CLEC16A: variants seen among roughly 807,000 people sequenced by gnomAD.
CLEC16A encodes C-type lectin domain containing 16A, also known as protein CLEC16A.
Under a neutral mutation model 109.5 loss-of-function variants are expected in CLEC16A, and 51 were observed. The ratio of observed to expected loss-of-function variants is 0.47; its 90% confidence interval spans 0.37 to 0.59. The LOEUF is 0.59. Among genes scored for constraint, CLEC16A ranks in the 20% least tolerant of loss-of-function variants. CLEC16A has a pLI of 0.00. For synonymous variants in CLEC16A, 673 were observed against 564.2 expected (o/e 1.19, Z -2.73); for missense variants, 1,339 against 1,394.0 (o/e 0.96, Z 0.63).
chr16:11,142,912 G>C (rs1305613412), intron 22 of CLEC16A, among the ~76,000 whole-genome samples: 2 of 152,212 alleles, frequency 1.3e-5, no homozygotes, highest in Non-Finnish European at 2.9e-5. Context: ...CCTGGTTCAA[G>C]TGATTCTCCT....
intron 11 of CLEC16A, among the ~76,000 whole-genome samples, chr16:11,017,141 A>G (rs928441172): frequency 1.3e-5 from 2 of 152,042 alleles, no homozygotes; most frequent in Non-Finnish European, 2.9e-5. Flanking sequence ...TTTGTCGGGG[A>G]GTGGCCCACC....
intron 8 of CLEC16A, 46 bp from the exon 9 acceptor site, chr16:10,979,283 T>C (rs1206652618): frequency 1.9e-6 from 3 of 1,573,794 alleles, no homozygotes; most frequent in South Asian, 1.1e-5. Flanking sequence ...TGCTGCTCGC[T>C]TGTGTGACCT....
At chr16:11,011,693 G>A (rs1303736911) in intron 11 of CLEC16A, among the ~76,000 whole-genome samples, 2 of 152,242 alleles carry the variant, frequency 1.3e-5, no homozygotes, top group South Asian at 2.1e-4. Context: ...GAGAAAGCTA[G>A]GAAATCTATG....
intron 13 of CLEC16A, among the ~76,000 whole-genome samples, chr16:11,030,782 C>CGTGG (rs1276731463): frequency 6.6e-6 from 1 of 152,162 alleles, no homozygotes; most frequent in Non-Finnish European, 1.5e-5. Context: ...GTAGCTGGGA[C>CGTGG]TACAGGTGTG....
At chr16:11,020,759 C>G (rs2046051548) in intron 12 of CLEC16A, among the ~76,000 whole-genome samples, 1 of 152,262 alleles carries the variant, frequency 6.6e-6, no homozygotes, top group African/African-American at 2.4e-5. Flanking sequence ...GCCCTCTTGA[C>G]TTGGCCACAT....
At chr16:11,113,517 G>T (rs2051744352) in intron 19 of CLEC16A, among the ~76,000 whole-genome samples, 1 of 151,946 alleles carries the variant, frequency 6.6e-6, no homozygotes. Context: ...AATTAGCTGG[G>T]CATGGATGGT....
At chr16:11,031,901 T>A (rs1488695118) in intron 13 of CLEC16A, among the ~76,000 whole-genome samples, 1 of 152,214 alleles carries the variant, frequency 6.6e-6, no homozygotes, top group South Asian at 2.1e-4. Context: ...AATTTCCTCA[T>A]GTAATTAGTT....
chr16:11,144,907 A>G (rs1304403060), intron 22 of CLEC16A, among the ~76,000 whole-genome samples: 1 of 152,096 alleles, frequency 6.6e-6, no homozygotes, highest in African/African-American at 2.4e-5. Flanking sequence ...TGGGTTCTGG[A>G]TGGCCCTGCC....
At chr16:11,093,616 T>C (rs1349918597) in intron 19 of CLEC16A, among the ~76,000 whole-genome samples, 1 of 152,112 alleles carries the variant, frequency 6.6e-6, no homozygotes, top group African/African-American at 2.4e-5. Flanking sequence ...GGCGTATTTT[T>C]GAAGAAGTAA....
At chr16:10,993,116 G>T (rs1048401868) in intron 10 of CLEC16A, among the ~76,000 whole-genome samples, 3 of 152,174 alleles carry the variant, frequency 2.0e-5, no homozygotes, top group African/African-American at 7.2e-5. Context: ...ACCTGGCTGG[G>T]CTTGGTGGTT....
chr16:11,132,794 G>A (rs774481014), intron 22 of CLEC16A, among the ~76,000 whole-genome samples: 27 of 152,182 alleles, frequency 1.8e-4, no homozygotes, highest in Admixed American at 3.9e-4. Flanking sequence ...AGTGCTCATG[G>A]ATGCCTATGA....
intron 19 of CLEC16A, among the ~76,000 whole-genome samples, chr16:11,097,111 A>G (rs1395441495): frequency 6.6e-6 from 1 of 152,148 alleles, no homozygotes; most frequent in Non-Finnish European, 1.5e-5. Flanking sequence ...ACTTCCCTGT[A>G]GCTGAATCTC....
At chr16:10,986,456 G>A (rs1045936998) in intron 10 of CLEC16A, among the ~76,000 whole-genome samples, 2 of 152,106 alleles carry the variant, frequency 1.3e-5, no homozygotes, top group Non-Finnish European at 1.5e-5. Context: ...CATTTATCTT[G>A]CATACTGAAA....
intron 17 of CLEC16A, 35 bp from the exon 18 acceptor site, chr16:11,051,478 A>G (rs976002315): frequency 6.3e-7 from 1 of 1,590,382 alleles, no homozygotes. Flanking sequence ...CAAGTAAGGA[A>G]TCTGCTTTGA....
chr16:11,134,824 G>C (rs2053464607), intron 22 of CLEC16A, among the ~76,000 whole-genome samples: 1 of 152,192 alleles, frequency 6.6e-6, no homozygotes, highest in African/African-American at 2.4e-5. Flanking sequence ...CAGTAGGATA[G>C]GCCCTCCTTA....
intron 22 of CLEC16A, among the ~76,000 whole-genome samples, chr16:11,146,472 A>G (rs768394636): frequency 1.6e-4 from 22 of 141,848 alleles, no homozygotes; most frequent in Non-Finnish European, 3.1e-4. Flanking sequence ...GGATGGATAA[A>G]TGGGTAAAGG....
At chr16:11,067,373 G>T (rs1444492429) in intron 19 of CLEC16A, among the ~76,000 whole-genome samples, 1 of 152,016 alleles carries the variant, frequency 6.6e-6, no homozygotes, top group Non-Finnish European at 1.5e-5. Flanking sequence ...CCTGGCTGGA[G>T]GTCAGGGAGG....
intron 22 of CLEC16A, among the ~76,000 whole-genome samples, chr16:11,161,249 C>T (rs1166351556): frequency 6.6e-6 from 1 of 152,150 alleles, no homozygotes; most frequent in Non-Finnish European, 1.5e-5. Flanking sequence ...TAGGCCGACT[C>T]CTACACAGCC....
chr16:11,009,329 A>T lies in CLEC16A; in HGVS notation c.1303+6024A>T, dbSNP rs150718218. Among the ~76,000 whole-genome samples the T allele has an allele frequency of 1.6e-4, 24 of 152,106 alleles. 1 individual carries two copies. In the East Asian group the frequency reaches 4.6e-3, roughly 29 times the overall value. ...TTATATGGCTGGACTACATTTCTTT[A>T]TCCACTCCTCTGTTGATGGACACTT... On this transcript the variant is annotated intron_variant, in intron 11 of 23. Coordinates refer to ENST00000409790, the MANE Select transcript of CLEC16A (RefSeq NM_015226.3).
Sources: allele counts gnomAD v4.1 joint callset (sites outside exome capture counted in the v4.1 genomes callset), GRCh38; gene constraint gnomAD v4.1.1; transcripts MANE v1.5; gene names NCBI Gene and HGNC (gene_info 2026-07-23, HGNC 2026-07-21).